Variants in NRG3 observed in about 807,000 individuals in gnomAD.
NRG3 encodes the protein neuregulin 3, also known as pro-neuregulin-3, membrane-bound isoform.
NRG3 carries 31 observed loss-of-function variants against 66.9 expected under a neutral mutation model. The observed-to-expected ratio is 0.46, with a 90% CI of 0.35 to 0.63. The LOEUF is 0.63. NRG3 is among the 20% of genes least tolerant of loss of function. The pLI is 0.00. For missense variants in NRG3, 910 were observed against 878.9 expected, an observed-to-expected ratio of 1.04 and a Z score of -0.45; for synonymous variants, 393 against 359.4, an observed-to-expected ratio of 1.09 and a Z score of -1.06.
intron 1 of NRG3, among the ~76,000 whole-genome samples, chr10:82,345,969 G>A (rs1314192748): frequency 6.6e-6 from 1 of 152,174 alleles, no homozygotes; most frequent in South Asian, 2.1e-4. Context: ...TTTGGGCTGA[G>A]ACAATGCGGT....
At chr10:82,142,833 C>T (rs943796972) in intron 1 of NRG3, among the ~76,000 whole-genome samples, 2 of 140,136 alleles carry the variant, frequency 1.4e-5, no homozygotes, top group African/African-American at 5.4e-5. Flanking sequence ...TGCAGTGGTG[C>T]AATCATGGCT....
At chr10:82,135,121 CAAAA>C (rs199531519) in intron 1 of NRG3, among the ~76,000 whole-genome samples, 2 of 84,136 alleles carry the variant, frequency 2.4e-5, no homozygotes, top group Non-Finnish European at 2.7e-5. Flanking sequence ...GACTCCCTCT[CAAAA>C]AAAAAAAAAA....
intron 4 of NRG3, among the ~76,000 whole-genome samples, chr10:82,949,538 G>T (rs1445007657): frequency 6.6e-6 from 1 of 152,002 alleles, no homozygotes; most frequent in African/African-American, 2.4e-5. Flanking sequence ...GTATGCATGA[G>T]AAATACCTGA....
intron 4 of NRG3, among the ~76,000 whole-genome samples, chr10:82,918,667 G>C (rs1846116107): frequency 6.6e-6 from 1 of 152,088 alleles, no homozygotes; most frequent in African/African-American, 2.4e-5. Flanking sequence ...CAGTTTCACT[G>C]TGCCTGAAGC....
At chr10:82,367,799 G>T (rs2084639054) in intron 2 of NRG3, among the ~76,000 whole-genome samples, 2 of 152,070 alleles carry the variant, frequency 1.3e-5, no homozygotes, top group African/African-American at 2.4e-5. Context: ...TTCAAGACCA[G>T]CCTGGCCAAC....
At chr10:81,986,466 T>C (rs893353922) in intron 1 of NRG3, among the ~76,000 whole-genome samples, 8 of 152,058 alleles carry the variant, frequency 5.3e-5, no homozygotes, top group Admixed American at 4.6e-4. Flanking sequence ...TTAGTACAAA[T>C]CATGAAACCT....
intron 1 of NRG3, among the ~76,000 whole-genome samples, chr10:82,330,480 C>A (rs965737601): frequency 1.3e-5 from 2 of 151,978 alleles, no homozygotes; most frequent in African/African-American, 4.8e-5. Context: ...CTGTATGACT[C>A]CAAATGTAAT....
intron 1 of NRG3, among the ~76,000 whole-genome samples, chr10:82,215,946 A>G (rs986641868): frequency 9.5e-6 from 1 of 105,566 alleles, no homozygotes; most frequent in Non-Finnish European, 2.0e-5. Flanking sequence ...TGGTTTGTTT[A>G]TATTTTTTAT....
intron 4 of NRG3, among the ~76,000 whole-genome samples, chr10:82,872,649 C>T (rs974355867): frequency 2.0e-5 from 3 of 151,556 alleles, no homozygotes; most frequent in African/African-American, 7.3e-5. Flanking sequence ...TGTCCAAAAC[C>T]TCTAAAACTA....
intron 4 of NRG3, among the ~76,000 whole-genome samples, chr10:82,895,425 T>A (rs898295551): frequency 4.6e-5 from 7 of 151,892 alleles, no homozygotes; most frequent in Admixed American, 3.3e-4. Context: ...AACAAGAGAG[T>A]TTAATCATAT....
At chr10:82,662,082 G>A (rs1182450574) in intron 2 of NRG3, among the ~76,000 whole-genome samples, 1 of 152,152 alleles carries the variant, frequency 6.6e-6, no homozygotes, top group African/African-American at 2.4e-5. Context: ...CATTGTTGGC[G>A]ATATTGATGT....
intron 4 of NRG3, among the ~76,000 whole-genome samples, chr10:82,920,360 G>A (rs1477027515): frequency 6.6e-6 from 1 of 152,070 alleles, no homozygotes; most frequent in Non-Finnish European, 1.5e-5. Context: ...AGTAAGGGGA[G>A]GAGACTAGAA....
intron 4 of NRG3, among the ~76,000 whole-genome samples, chr10:82,893,416 G>A (rs775864568): frequency 5.3e-5 from 8 of 152,274 alleles, no homozygotes; most frequent in Non-Finnish European, 8.8e-5. Context: ...TGGGCCAGGC[G>A]CGGTGGCTCA....
At chr10:82,785,176 G>T (rs1409531700) in intron 3 of NRG3, among the ~76,000 whole-genome samples, 2 of 151,478 alleles carry the variant, frequency 1.3e-5, no homozygotes, top group African/African-American at 4.9e-5. Context: ...GACACAGGAA[G>T]GGGAACATCA....
chr10:82,182,556 C>T (rs1478983368), intron 1 of NRG3, among the ~76,000 whole-genome samples: 2 of 151,768 alleles, frequency 1.3e-5, no homozygotes, highest in Admixed American at 1.3e-4. Flanking sequence ...GTTACTGATA[C>T]CACAAATTAC....
intron 1 of NRG3, among the ~76,000 whole-genome samples, chr10:82,152,897 CTTCT>C (rs1177169791): frequency 7.9e-6 from 1 of 127,328 alleles, no homozygotes; most frequent in Non-Finnish European, 1.7e-5. Context: ...CCTTTTCTTT[CTTCT>C]TTCTCCTTTT....
chr10:82,779,552 T>C (rs2060036986), intron 3 of NRG3, among the ~76,000 whole-genome samples: 1 of 152,136 alleles, frequency 6.6e-6, no homozygotes, highest in African/African-American at 2.4e-5. Flanking sequence ...CTTGATGATG[T>C]CTCAAAAACT....
chr10:82,601,870 A>G (rs2047654072), intron 2 of NRG3, among the ~76,000 whole-genome samples: 1 of 147,130 alleles, frequency 6.8e-6, no homozygotes, highest in Non-Finnish European at 1.5e-5. Context: ...TTATTTATAT[A>G]TATATAACTA....
intron 5 of NRG3, among the ~76,000 whole-genome samples, chr10:82,953,476 A>G (rs1050655863): frequency 6.6e-6 from 1 of 151,862 alleles, no homozygotes; most frequent in Non-Finnish European, 1.5e-5. Flanking sequence ...AGCCCATAGC[A>G]CTTTATGTTC....
Sources: gnomAD v4.1 joint callset for allele counts (sites outside exome capture counted in the v4.1 genomes callset) on GRCh38, gnomAD v4.1.1 for gene constraint, MANE v1.5 for transcripts, NCBI Gene and HGNC (gene_info 2026-07-23, HGNC 2026-07-21) for gene names.